The following STRIP2 variants were observed in gnomAD, a reference collection of about 807,000 sequenced individuals.
The protein encoded by STRIP2 is striatin-interacting protein 2.
Under a neutral mutation model 107.1 loss-of-function variants are expected in STRIP2, and 84 were observed. That is an observed-to-expected ratio of 0.78 (90% confidence interval 0.66 to 0.94). The LOEUF (loss-of-function observed/expected upper bound fraction) is 0.94. STRIP2 is among the 40% of genes least tolerant of loss of function. The pLI is 0.00. For missense variants in STRIP2, 888 were observed against 1,034.2 expected, an observed-to-expected ratio of 0.86 and a Z score of 1.94; for synonymous variants, 394 against 400.4, an observed-to-expected ratio of 0.98 and a Z score of 0.19.
chr7:129,437,988 G>A (rs1030038150), intron 1 of STRIP2, among the ~76,000 whole-genome samples: 6 of 152,016 alleles, frequency 3.9e-5, no homozygotes, highest in African/African-American at 1.5e-4. Context: ...TGTATTTTTA[G>A]TGGAGACGGG....
chr7:129,476,733 G>A (rs1798963805), intron 18 of STRIP2, among the ~76,000 whole-genome samples: 1 of 152,096 alleles, frequency 6.6e-6, no homozygotes, highest in African/African-American at 2.4e-5. Flanking sequence ...CCAGACGATG[G>A]GCAGCCGGGC....
In STRIP2 at chr7:129,485,625, G is replaced by T; in HGVS notation, c.2301G>T (p.Leu767Phe). The T allele has an allele frequency of 6.2e-7, 1 of 1,613,988 alleles. No homozygotes were observed. The highest frequency in any genetic ancestry group is 1.1e-5 in the South Asian group (1 of 91,074). ...PWDFQAEECT[L>F]RANIEAFNSR... ...ACTTCCAAGCAGAAGAATGTACCTT[G>T]AGGGCCAACATTGAGGCTTTTAACA... The change falls in exon 21 of 21, where the codon TTG becomes TTT. Residue 767 changes from leucine (L) to phenylalanine (F), a missense_variant. Leu to Phe is a conservative substitution (Grantham distance 22). Transcript: ENST00000249344.
chr7:129,460,568 A>C lies in STRIP2; in HGVS notation c.1476+196A>C, dbSNP rs1007735056. The C allele has an allele frequency of 1.5e-5, 9 of 583,896 alleles. No individual in the cohort carries two copies. The Admixed American group carries it at 1.7e-4, about 11-fold the overall frequency. 36.2% of individuals were successfully genotyped at this position (583,896 alleles called of 1,614,324 possible). ...AATAAAAAGTTAAGTAAACCAAACT[A>C]TCAGAGAATGGTAAATACAATGAAG... On this transcript the variant is annotated intron_variant, in intron 13 of 20. Transcript: ENST00000249344.
At chr7:129,465,805 A>G (rs1016920932) in intron 16 of STRIP2, among the ~76,000 whole-genome samples, 2 of 152,306 alleles carry the variant, frequency 1.3e-5, no homozygotes, top group African/African-American at 4.8e-5. Flanking sequence ...TGAGGAGACC[A>G]CAGGGAAAAA....
At chr7:129,456,052 G>A (rs528563566) in intron 8 of STRIP2, among the ~76,000 whole-genome samples, 2 of 152,230 alleles carry the variant, frequency 1.3e-5, no homozygotes, top group South Asian at 2.1e-4. Flanking sequence ...GGCCTAATAG[G>A]GGGAACTGCC....
At chr7:129,473,756 C>T (rs1346806319) in intron 18 of STRIP2, among the ~76,000 whole-genome samples, 2 of 151,792 alleles carry the variant, frequency 1.3e-5, no homozygotes, top group Admixed American at 1.3e-4. Context: ...CTCGCTCTGT[C>T]GGCCAGGCTG....
At position 129,483,145 on chromosome 7, in the gene STRIP2, T is replaced by C; in HGVS notation, c.2254+99T>C. Reference sequence around the variant, plus strand: ...TCCTCTTTTGGCATGAATTGTTACATATTTTAGATGAAAAAATATGTGATT... The same window carrying C: ...TCCTCTTTTGGCATGAATTGTTACACATTTTAGATGAAAAAATATGTGATT... On this transcript the variant is annotated intron_variant, in intron 20 of 20. Coordinates refer to ENST00000249344, the MANE Select transcript of STRIP2 (RefSeq NM_020704.3). This position sits in a 1 kb window ranked among gnomAD's most constrained non-coding sequence, Gnocchi z 5.1. 1 of 1,487,162 alleles carries C rather than the reference T, an allele frequency of 6.7e-7. No homozygotes were observed. Among genetic ancestry groups the C allele is most frequent in the Non-Finnish European group, 8.9e-7 (1 of 1,118,266 alleles). 92.1% of individuals were successfully genotyped at this position (1,487,162 alleles called of 1,614,324 possible).
intron 1 of STRIP2, among the ~76,000 whole-genome samples, chr7:129,437,553 C>T (rs1053387981): frequency 6.6e-6 from 1 of 151,592 alleles, no homozygotes. Flanking sequence ...TGTGCTGGGA[C>T]GTAATGTAAA....
chr7:129,437,672 C>G (rs1189528797), intron 1 of STRIP2, among the ~76,000 whole-genome samples: 12 of 151,990 alleles, frequency 7.9e-5, no homozygotes, highest in African/African-American at 2.4e-5. Flanking sequence ...AAGTCCTTAC[C>G]TATCAGAATA....
Position 129,434,445 on chromosome 7 carries a change from AC to A in STRIP2, c.-25del, listed in dbSNP as rs1171668811. 1.5e-5 allele frequency: 22 copies of A among 1,487,472 alleles called. No homozygotes were observed. The highest frequency in any genetic ancestry group is 2.9e-5 in the African/African-American group (2 of 68,510). 92.1% of individuals were successfully genotyped at this position (1,487,472 alleles called of 1,614,324 possible). A position where few individuals can be genotyped will look rare whatever the true frequency, so the allele number is the denominator to read the frequency against. On this transcript the variant is annotated 5_prime_UTR_variant, in exon 1 of 21. Transcript: ENST00000249344. ...GGTCGCCTCCGGCAAAGCGAGCTGA[AC>A]CCTGAGGGGAGCCGCTGACCAGCAG...
At position 129,483,443 on chromosome 7, in the gene STRIP2, A is replaced by G. The variant is rs1296929241; in HGVS notation, c.2254+397A>G. 2 of 591,104 alleles carry G rather than the reference A, an allele frequency of 3.4e-6. No homozygotes were observed. The highest frequency in any genetic ancestry group is 1.2e-4 in the East Asian group (1 of 8,140). The allele number at this position is 591,104 out of a possible 1,614,324, so 36.6% of individuals were successfully genotyped here. ...ATTATATTTATGCCATATTTGTACT[A>G]TGCAGAAATTGCCACCATTAACATC... On this transcript the variant is annotated intron_variant, in intron 20 of 20. Transcript: ENST00000249344. The surrounding 1 kb of genome is among the most constrained non-coding windows in gnomAD (Gnocchi z 5.1).
rs1157395022 is a variant in STRIP2, at chr7:129,461,359, G to A, written c.1476+987G>A. The stretch of plus-strand genomic sequence containing the variant: ...CGGGAGTTGTTTGTAACACTTATAG[G>A]CAGTGTTAAAGGCCGTAGAACTGGC... On this transcript the variant is annotated intron_variant, in intron 13 of 20. Transcript: ENST00000249344. The surrounding 1 kb of genome is among the most constrained non-coding windows in gnomAD (Gnocchi z 4.0). Among the ~76,000 whole-genome samples, 3 of 152,182 alleles carry A rather than the reference G, an allele frequency of 2.0e-5. No homozygotes were observed. The highest frequency in any genetic ancestry group is 2.9e-5 in the Non-Finnish European group (2 of 68,044).
intron 3 of STRIP2, among the ~76,000 whole-genome samples, chr7:129,444,615 A>G (rs1160284257): frequency 6.6e-6 from 1 of 152,134 alleles, no homozygotes; most frequent in East Asian, 1.9e-4. Flanking sequence ...CTTCAATCCA[A>G]TCAAGTTGAC....
At chr7:129,478,996 C>T (rs940692876) in intron 18 of STRIP2, among the ~76,000 whole-genome samples, 3 of 152,110 alleles carry the variant, frequency 2.0e-5, no homozygotes, top group Non-Finnish European at 4.4e-5. Context: ...AAAGTCTGTT[C>T]GGGCGCGGTG....
intron 20 of STRIP2, among the ~76,000 whole-genome samples, chr7:129,485,177 A>G (rs1033796925): frequency 1.3e-5 from 2 of 152,296 alleles, no homozygotes; most frequent in African/African-American, 4.8e-5. Context: ...AAGCTGCATA[A>G]AAGGAATTTA....
intron 18 of STRIP2, among the ~76,000 whole-genome samples, chr7:129,480,259 C>T (rs1368848557): frequency 2.6e-5 from 4 of 152,118 alleles, no homozygotes; most frequent in Middle Eastern, 3.4e-3. Flanking sequence ...TAGAAGAAAC[C>T]ATCTGCCATT....
At chr7:129,449,571 TTCC>T (rs2089661923) in intron 3 of STRIP2, among the ~76,000 whole-genome samples, 1 of 152,122 alleles carries the variant, frequency 6.6e-6, no homozygotes, top group Non-Finnish European at 1.5e-5. Context: ...GGGGAAACTG[TTCC>T]TCCTGGCAAA....
chr7:129,447,519 A>G (rs938488673), intron 3 of STRIP2, among the ~76,000 whole-genome samples: 3 of 152,226 alleles, frequency 2.0e-5, no homozygotes, highest in Admixed American at 6.5e-5. Flanking sequence ...AATCAGCATA[A>G]TGTCATCAAT....
Position 129,474,340 on chromosome 7 carries a change from A to G in STRIP2, c.1944+3625A>G, listed in dbSNP as rs532810538. On this transcript the variant is annotated intron_variant, in intron 18 of 20. Transcript: ENST00000249344. ...ATTAAAAAAAAATTTTTTTAGAGATAAAATCTCCCTAGAGACAGAATCTCC... is the reference window on the plus strand; with the variant it reads ...ATTAAAAAAAAATTTTTTTAGAGATGAAATCTCCCTAGAGACAGAATCTCC... Among the ~76,000 whole-genome samples, 10 of 152,220 alleles carry G rather than the reference A, an allele frequency of 6.6e-5. No homozygotes were observed. The South Asian group carries it at 2.1e-3, about 32-fold the overall frequency.
Sources: gnomAD v4.1 joint callset for allele counts (sites outside exome capture counted in the v4.1 genomes callset) on GRCh38, gnomAD v4.1.1 for gene constraint, Gnocchi (gnomAD v3.1) non-coding constraint, MANE v1.5 for transcripts, NCBI Gene and HGNC (gene_info 2026-07-23, HGNC 2026-07-21) for gene names.